TTC6: variants seen among roughly 807,000 people sequenced by gnomAD.
TTC6 encodes tetratricopeptide repeat domain 6.
A neutral mutation model predicts 210.4 loss-of-function variants in TTC6; 172 were observed. The observed-to-expected ratio is 0.82, with a 90% CI of 0.72 to 0.93. The LOEUF is 0.93. Among genes scored for constraint, TTC6 ranks in the 40% least tolerant of loss-of-function variants. The pLI is 0.00. For missense variants in TTC6, 2,414 were observed against 2,318.1 expected (o/e 1.04, Z -0.85); for synonymous variants, 804 against 819.6 (o/e 0.98, Z 0.32).
chr14:37,802,760 G>C (rs563195811), intron 20 of TTC6, among the ~76,000 whole-genome samples: 1 of 146,578 alleles, frequency 6.8e-6, no homozygotes, highest in African/African-American at 2.5e-5. Flanking sequence ...TTGAGATGGA[G>C]TCTTGCTCAG....
chr14:37,696,895 A>G (rs1195404112), intron 4 of TTC6, 60 bp downstream of exon 6: 2 of 636,622 alleles, frequency 3.1e-6, no homozygotes, highest in East Asian at 3.4e-5. Flanking sequence ...TAGCATAGAG[A>G]CATGAAAATA....
intron 14 of TTC6, among the ~76,000 whole-genome samples, chr14:37,768,342 T>G (rs2096006107): frequency 6.6e-6 from 1 of 151,622 alleles, no homozygotes; most frequent in Non-Finnish European, 1.5e-5. Context: ...GTGAAGAAAG[T>G]CATTGGTAGC....
chr14:37,755,198 A>G (rs935287654), intron 14 of TTC6, among the ~76,000 whole-genome samples: 1 of 151,688 alleles, frequency 6.6e-6, no homozygotes, highest in Non-Finnish European at 1.5e-5. Flanking sequence ...TGAGAAGTGT[A>G]TGTTCACATT....
intron 1 of TTC6, among the ~76,000 whole-genome samples, chr14:37,602,093 C>T (rs1003100427): frequency 6.6e-6 from 1 of 152,178 alleles, no homozygotes; most frequent in African/African-American, 2.4e-5. Flanking sequence ...GCTGAGTGTC[C>T]GTTGGGGCCC....
intron 14 of TTC6, among the ~76,000 whole-genome samples, chr14:37,761,692 C>T (rs932292987): frequency 1.3e-5 from 2 of 151,892 alleles, no homozygotes; most frequent in Admixed American, 6.6e-5. Context: ...AGTATGTGTT[C>T]GTAAACATTC....
chr14:37,750,323 A>G (rs983477752), intron 12 of TTC6, among the ~76,000 whole-genome samples: 5 of 152,210 alleles, frequency 3.3e-5, no homozygotes, highest in African/African-American at 9.6e-5. Flanking sequence ...TCACCTTTGT[A>G]TCCCCAGCAC....
At chr14:37,688,872 C>T (rs1364332390) in intron 3 of TTC6, among the ~76,000 whole-genome samples, 1 of 152,066 alleles carries the variant, frequency 6.6e-6, no homozygotes, top group East Asian at 1.9e-4. Context: ...GCAAAGTCTG[C>T]AATAAATACT....
At chr14:37,797,148 G>T (rs1022002829) in intron 20 of TTC6, among the ~76,000 whole-genome samples, 2 of 151,866 alleles carry the variant, frequency 1.3e-5, no homozygotes, top group Admixed American at 6.6e-5. Flanking sequence ...CATGTATTCA[G>T]TCAGCATGTG....
chr14:37,825,162 C>G (rs2096167813), intron 27 of TTC6, among the ~76,000 whole-genome samples: 1 of 152,122 alleles, frequency 6.6e-6, no homozygotes, highest in Admixed American at 6.6e-5. Flanking sequence ...TTGCCTAGCA[C>G]TAGAAATATA....
chr14:37,806,589 A>G lies in TTC6; in HGVS notation c.4314+79A>G, dbSNP rs545846573. 8 of 1,323,602 alleles carry G rather than the reference A, an allele frequency of 6.0e-6. No individual in the cohort carries two copies. In the African/African-American group the frequency reaches 7.4e-5, roughly 12 times the overall value. 82.0% of individuals were successfully genotyped at this position (1,323,602 alleles called of 1,614,324 possible). ...ATTAAATCTTTTATGTGCCATTGTT[A>G]TTAATTACCAACAATCAGTTTCTTA... On this transcript the variant is annotated intron_variant, in intron 22 of 30. Coordinates refer to ENST00000553443, the Ensembl canonical transcript of TTC6.
At chr14:37,785,077 G>A (rs2096064425) in intron 14 of TTC6, among the ~76,000 whole-genome samples, 1 of 152,086 alleles carries the variant, frequency 6.6e-6, no homozygotes, top group Admixed American at 6.5e-5. Flanking sequence ...TTTCAACTTT[G>A]GTGAATCTGA....
intron 1 of TTC6, among the ~76,000 whole-genome samples, chr14:37,633,577 T>C (rs2095674313): frequency 6.6e-6 from 1 of 152,220 alleles, no homozygotes; most frequent in Non-Finnish European, 1.5e-5. Context: ...TCAGCCATCT[T>C]GCCAGCAGGT....
intron 1 of TTC6, among the ~76,000 whole-genome samples, chr14:37,599,258 C>A (rs1031900143): frequency 6.6e-6 from 1 of 152,216 alleles, no homozygotes; most frequent in African/African-American, 2.4e-5. Context: ...TCTTCCTCAT[C>A]TTCCTTCCTC....
intron 29 of TTC6, among the ~76,000 whole-genome samples, chr14:37,839,684 C>T (rs893958559): frequency 6.6e-6 from 1 of 152,014 alleles, no homozygotes; most frequent in Non-Finnish European, 1.5e-5. Flanking sequence ...GGCTTTTGTT[C>T]CCATTGCTTT....
intron 1 of TTC6, among the ~76,000 whole-genome samples, chr14:37,630,223 A>G (rs930672360): frequency 1.3e-5 from 2 of 152,208 alleles, no homozygotes; most frequent in Non-Finnish European, 2.9e-5. Context: ...ATTTAGTGCT[A>G]TAAATTTCCC....
chr14:37,795,219 A>G, intron 17 of TTC6, 51 bp from the exon 20 acceptor site: 1 of 1,279,704 alleles, frequency 7.8e-7, no homozygotes, highest in Non-Finnish European at 1.1e-6. Context: ...AATATCAGAA[A>G]GGAAGCAATC....
At chr14:37,785,130 G>T (rs1164852085) in intron 14 of TTC6, among the ~76,000 whole-genome samples, 1 of 152,114 alleles carries the variant, frequency 6.6e-6, no homozygotes, top group Non-Finnish European at 1.5e-5. Context: ...GGGTATCTTT[G>T]TGACATTCTC....
At chr14:37,657,873 A>T (rs2095728015) in intron 1 of TTC6, among the ~76,000 whole-genome samples, 1 of 152,164 alleles carries the variant, frequency 6.6e-6, no homozygotes, top group Admixed American at 6.5e-5. Context: ...GTATGTACCA[A>T]CCGTTAAAAA....
chr14:37,687,632 C>T (rs1462250172), intron 3 of TTC6, among the ~76,000 whole-genome samples: 1 of 152,106 alleles, frequency 6.6e-6, no homozygotes, highest in Non-Finnish European at 1.5e-5. Flanking sequence ...TTGCGTCTTA[C>T]ATACCGAGCT....
Sources: allele counts gnomAD v4.1 joint callset (sites outside exome capture counted in the v4.1 genomes callset), GRCh38; gene constraint gnomAD v4.1.1; transcripts MANE v1.5; gene names NCBI Gene and HGNC (gene_info 2026-07-23, HGNC 2026-07-21).